The following TRPC6 variants were observed in gnomAD, a reference collection of about 807,000 sequenced individuals.
TRPC6 encodes the protein short transient receptor potential channel 6.
In TRPC6, 55 loss-of-function variants were observed where a neutral mutation model predicts 90.7. The ratio of observed to expected loss-of-function variants is 0.61; its 90% confidence interval spans 0.49 to 0.76. TRPC6 has a LOEUF of 0.76. Among genes scored for constraint, TRPC6 ranks in the 30% least tolerant of loss-of-function variants. The pLI, the probability that TRPC6 is intolerant of heterozygous loss-of-function variation, is 0.00. For missense variants in TRPC6, 989 were observed against 1,122.7 expected, an observed-to-expected ratio of 0.88 and a Z score of 1.70; for synonymous variants, 393 against 393.0, an observed-to-expected ratio of 1.00 and a Z score of 0.00.
At chr11:101,484,435 C>T (rs1359349758) in intron 4 of TRPC6, among the ~76,000 whole-genome samples, 1 of 152,084 alleles carries the variant, frequency 6.6e-6, no homozygotes, top group African/African-American at 2.4e-5. Context: ...GGAAGGAACA[C>T]AATCGGTGTT....
intron 1 of TRPC6, among the ~76,000 whole-genome samples, chr11:101,581,864 T>C (rs1429272361): frequency 1.3e-5 from 2 of 152,210 alleles, no homozygotes; most frequent in Non-Finnish European, 2.9e-5. Flanking sequence ...AAAATCTGCA[T>C]TCTAACAAGA....
rs138724461 is a variant in TRPC6 at position 101,483,100 on chromosome 11, A to T, written c.1359T>A (p.Phe453Leu). Reference sequence around the variant, plus strand: ...CTGCATTCATGACTAGCAGTCCCAGAAAAATGGTGAAGGAGGCTGCGTGTG... The same window carrying T: ...CTGCATTCATGACTAGCAGTCCCAGTAAAATGGTGAAGGAGGCTGCGTGTG... ...FVAHAASFTI[F>L]LGLLVMNAAD... The change falls in exon 5 of 13, where the codon TTT becomes TTA. Residue 453 changes from phenylalanine (F) to leucine (L), a missense_variant. This residue lies in a region of TRPC6 where 486 missense variants were observed against 591.9 expected (regional missense o/e 0.82). Transcript: ENST00000344327. The T allele has an allele frequency of 1.9e-6, 3 of 1,614,050 alleles. No individual in the cohort carries two copies. The highest frequency in any genetic ancestry group is 2.5e-6 in the Non-Finnish European group (3 of 1,179,934).
At chr11:101,572,755 AG>A (rs1425688824) in intron 1 of TRPC6, among the ~76,000 whole-genome samples, 3 of 152,160 alleles carry the variant, frequency 2.0e-5, no homozygotes, top group African/African-American at 7.2e-5. Context: ...AACTAACACA[AG>A]AACCGAAAAC....
At position 101,512,845 on chromosome 11, in the gene TRPC6, T is replaced by C. The variant is rs547142728; in HGVS notation, c.171-8047A>G. On this transcript the variant is annotated intron_variant, in intron 1 of 12. Coordinates refer to ENST00000344327, the MANE Select transcript of TRPC6 (RefSeq NM_004621.6). The stretch of plus-strand genomic sequence containing the variant: ...TTAAATTCTTTGCTTCTATTACCAA[T>C]GACTGCCATAATCATGTGTATTACA... 2.0e-5 allele frequency among the ~76,000 whole-genome samples: 3 copies of C among 152,236 alleles called. No homozygotes were observed. In the East Asian group the frequency reaches 5.8e-4, roughly 29 times the overall value.
At position 101,452,103 on chromosome 11, in the gene TRPC6, A is replaced by G. The variant is rs1003528983; in HGVS notation, c.*852T>C. The G allele has an allele frequency of 1.5e-4, 23 of 152,210 alleles. No individual in the cohort carries two copies. Among genetic ancestry groups the G allele is most frequent in the Non-Finnish European group, 4.4e-5 (3 of 68,036 alleles). 9.4% of individuals were successfully genotyped at this position (152,210 alleles called of 1,614,324 possible). ...CAGAAATGGCACAAAATTGTGCTAT[A>G]ATGGAACCAAACAACCACAGTGTTT... On this transcript the variant is annotated 3_prime_UTR_variant, in exon 13 of 13. Transcript: ENST00000344327.
At chr11:101,542,181 G>A (rs1227731898) in intron 1 of TRPC6, among the ~76,000 whole-genome samples, 2 of 152,150 alleles carry the variant, frequency 1.3e-5, no homozygotes, top group Admixed American at 6.5e-5. Context: ...GTAATTTCAA[G>A]GATAGATGAG....
Position 101,483,160 on chromosome 11 carries a change from C to T in TRPC6, c.1299G>A (p.Gly433=). ...TCATGAATGGTCCACGCATTATCTT[C>T]CCCATCTGCCACAACACACACCAAA... is the stretch of plus-strand genomic sequence containing the variant. The part of the protein sequence containing the change: ...IYWFAPCSKM[G]KIMRGPFMKF... The change falls in exon 5 of 13, where the codon GGG becomes GGA. Residue 433 remains glycine (G), a synonymous_variant. Coordinates refer to ENST00000344327, the MANE Select transcript of TRPC6 (RefSeq NM_004621.6). 6.2e-7 allele frequency: 1 copy of T among 1,613,968 alleles called. No individual in the cohort carries two copies. The highest frequency in any genetic ancestry group is 1.1e-5 in the South Asian group (1 of 91,080).
chr11:101,501,080 AAT>A (rs1860108880), intron 2 of TRPC6, among the ~76,000 whole-genome samples: 3 of 145,926 alleles, frequency 2.1e-5, no homozygotes, highest in African/African-American at 7.6e-5. Flanking sequence ...AAGGGAGCAA[AAT>A]ACATACATAC....
intron 1 of TRPC6, among the ~76,000 whole-genome samples, chr11:101,550,262 A>G (rs1471684869): frequency 6.6e-6 from 1 of 151,588 alleles, no homozygotes; most frequent in African/African-American, 2.4e-5. Flanking sequence ...TCTGCCTTTT[A>G]TCATAATTAT....
Position 101,453,494 on chromosome 11 carries a change from C to A in TRPC6, c.2644+156G>T, listed in dbSNP as rs369501203. On this transcript the variant is annotated intron_variant, in intron 12 of 12. Coordinates refer to ENST00000344327, the MANE Select transcript of TRPC6 (RefSeq NM_004621.6). Reference sequence around the variant, plus strand: ...CTGTGGAGACATAGCCTGTTCCCCACTCTTTAACAGAACGGCGGTTGGTGA... The same window carrying A: ...CTGTGGAGACATAGCCTGTTCCCCAATCTTTAACAGAACGGCGGTTGGTGA... 9.1e-6 allele frequency: 7 copies of A among 767,378 alleles called. No individual in the cohort carries two copies. In the African/African-American group the frequency reaches 1.2e-4, roughly 13 times the overall value. 47.5% of individuals were successfully genotyped at this position (767,378 alleles called of 1,614,324 possible). A position where few individuals can be genotyped will look rare whatever the true frequency, so the allele number is the denominator to read the frequency against.
In TRPC6 at chr11:101,524,271, C is replaced by T. The variant is rs147454054; in HGVS notation, c.171-19473G>A. On this transcript the variant is annotated intron_variant, in intron 1 of 12. Coordinates refer to ENST00000344327, the MANE Select transcript of TRPC6 (RefSeq NM_004621.6). ...ATTTTTTTATTTTTTATTTTTTAGA[C>T]ATAGTCTCACTCTGTCACCCAGGCT... Among the ~76,000 whole-genome samples the T allele has an allele frequency of 4.8e-3, 723 of 152,186 alleles. 7 individuals carry two copies. The highest frequency in any genetic ancestry group is 0.017 in the African/African-American group (698 of 41,522).
chr11:101,538,748 G>T (rs530513898), intron 1 of TRPC6, among the ~76,000 whole-genome samples: 1 of 152,312 alleles, frequency 6.6e-6, no homozygotes, highest in South Asian at 2.1e-4. Flanking sequence ...CTGGACCCAC[G>T]TGAGAAGGCC....
At chr11:101,499,721 TTGTGTATA>T (rs1565218657) in intron 2 of TRPC6, among the ~76,000 whole-genome samples, 1 of 33,650 alleles carries the variant, frequency 3.0e-5, no homozygotes, top group African/African-American at 1.8e-4. Flanking sequence ...ACATTTTATA[TTGTGTATA>T]TGTGTATATA....
chr11:101,579,675 A>G (rs537047861), intron 1 of TRPC6, among the ~76,000 whole-genome samples: 9 of 152,332 alleles, frequency 5.9e-5, no homozygotes, highest in South Asian at 2.1e-4. Flanking sequence ...AAAAACCCCA[A>G]AAACGATATT....
intron 1 of TRPC6, among the ~76,000 whole-genome samples, chr11:101,527,997 C>G (rs1044127562): frequency 4.6e-5 from 7 of 151,968 alleles, no homozygotes; most frequent in African/African-American, 1.5e-4. Flanking sequence ...CGCTTGAACC[C>G]GGGAGGCAGA....
intron 1 of TRPC6, among the ~76,000 whole-genome samples, chr11:101,568,204 C>G (rs137999010): frequency 6.6e-6 from 1 of 152,046 alleles, no homozygotes; most frequent in African/African-American, 2.4e-5. Flanking sequence ...AAACACAGCA[C>G]GAGAACTTCG....
rs544530810 is a variant in TRPC6 at position 101,476,492 on chromosome 11, G to A, written c.1553C>T (p.Pro518Leu). 1 of 1,614,036 alleles carries A rather than the reference G, an allele frequency of 6.2e-7. No homozygotes were observed. The highest frequency in any genetic ancestry group is 2.2e-5 in the East Asian group (1 of 44,870). Reference sequence around the variant, plus strand: ...CCACAACTCAAACAAATATTCCTTGGGGCCCTGAGTCCAGATTTCTTTACA... The same window carrying A: ...CCACAACTCAAACAAATATTCCTTGAGGCCCTGAGTCCAGATTTCTTTACA... The part of the protein sequence containing the change: ...AECKEIWTQG[P>L]KEYLFELWNM... The change falls in exon 6 of 13, where the codon CCC becomes CTC. Residue 518 changes from proline (P) to leucine (L), a missense_variant. By Grantham distance (98) the Pro-to-Leu change is moderately conservative (BLOSUM62 -3). Coordinates refer to ENST00000344327, the MANE Select transcript of TRPC6 (RefSeq NM_004621.6).
chr11:101,547,331 C>T (rs1433275730), intron 1 of TRPC6, among the ~76,000 whole-genome samples: 1 of 152,074 alleles, frequency 6.6e-6, no homozygotes, highest in African/African-American at 2.4e-5. Context: ...CCTGAGATTC[C>T]CATGTACTCA....
At chr11:101,503,165 T>C (rs1860172126) in intron 2 of TRPC6, among the ~76,000 whole-genome samples, 1 of 152,034 alleles carries the variant, frequency 6.6e-6, no homozygotes, top group Admixed American at 6.6e-5. Context: ...GTGGGGAAGA[T>C]CTTAGCTAGG....
Sources: allele counts gnomAD v4.1 joint callset (sites outside exome capture counted in the v4.1 genomes callset), GRCh38; gene constraint gnomAD v4.1.1; regional missense constraint gnomAD v4.1.1; transcripts MANE v1.5; gene names NCBI Gene and HGNC (gene_info 2026-07-23, HGNC 2026-07-21).